The following MSRB3 variants were observed in gnomAD, a reference collection of about 807,000 sequenced individuals.
MSRB3 encodes methionine sulfoxide reductase B3, also known as methionine-R-sulfoxide reductase B3.
Under a neutral mutation model 21.0 loss-of-function variants are expected in MSRB3, and 13 were observed. The ratio of observed to expected loss-of-function variants is 0.62; its 90% CI spans 0.40 to 0.98. MSRB3 has a LOEUF of 0.98. MSRB3 is among the 50% of genes least tolerant of loss of function. MSRB3 has a pLI of 0.00. For missense variants in MSRB3, 199 were observed against 230.3 expected, an observed-to-expected ratio of 0.86 and a Z score of 0.88; for synonymous variants, 87 against 88.6, an observed-to-expected ratio of 0.98 and a Z score of 0.10.
At chr12:65,458,215 C>T (rs570777336) in intron 6 of MSRB3, among the ~76,000 whole-genome samples, 1 of 145,470 alleles carries the variant, frequency 6.9e-6, no homozygotes, top group Admixed American at 6.6e-5. Context: ...TTTCATTGTT[C>T]TTTTGGTTCC....
chr12:65,391,101 A>G (rs1270925206), intron 5 of MSRB3, among the ~76,000 whole-genome samples: 2 of 152,296 alleles, frequency 1.3e-5, no homozygotes, highest in East Asian at 3.9e-4. Flanking sequence ...AGGGTTTTCC[A>G]TCAAGTATTT....
At chr12:65,287,012 C>A (rs1195478945) in intron 1 of MSRB3, among the ~76,000 whole-genome samples, 2 of 88,758 alleles carry the variant, frequency 2.3e-5, no homozygotes, top group Non-Finnish European at 4.0e-5. Context: ...CAGAGCGAGA[C>A]CCTTTCTCAA....
At chr12:65,367,647 G>A (rs751467665) in intron 4 of MSRB3, among the ~76,000 whole-genome samples, 8 of 152,218 alleles carry the variant, frequency 5.3e-5, no homozygotes, top group Non-Finnish European at 1.2e-4. Flanking sequence ...TGTGCTAAGA[G>A]ATGGTGGAAA....
intron 2 of MSRB3, among the ~76,000 whole-genome samples, chr12:65,322,148 G>A (rs780523292): frequency 2.0e-5 from 3 of 152,158 alleles, no homozygotes; most frequent in African/African-American, 7.2e-5. Flanking sequence ...CATAGACTTT[G>A]TGAGAATCCT....
At chr12:65,451,122 C>T (rs570838456) in intron 5 of MSRB3, among the ~76,000 whole-genome samples, 11 of 152,268 alleles carry the variant, frequency 7.2e-5, no homozygotes, top group African/African-American at 2.6e-4. Flanking sequence ...GTTACAGTCT[C>T]CAGCGTGGTT....
chr12:65,402,894 T>G (rs1410132730), intron 5 of MSRB3, among the ~76,000 whole-genome samples: 1 of 152,128 alleles, frequency 6.6e-6, no homozygotes, highest in African/African-American at 2.4e-5. Flanking sequence ...TTGCTGGAGG[T>G]CCACTCCAGA....
At chr12:65,388,990 A>G (rs1565868485) in intron 5 of MSRB3, among the ~76,000 whole-genome samples, 1 of 152,188 alleles carries the variant, frequency 6.6e-6, no homozygotes, top group Non-Finnish European at 1.5e-5. Context: ...TTAATCCATG[A>G]GCTCTTAAGG....
intron 5 of MSRB3, chr12:65,418,621 T>A (rs1881105689): frequency 3.4e-6 from 2 of 586,976 alleles, no homozygotes; most frequent in African/African-American, 3.7e-5. Flanking sequence ...CAGTTTCAGA[T>A]CTTATTTTTA....
chr12:65,338,788 T>A (rs970285568), intron 4 of MSRB3, among the ~76,000 whole-genome samples: 2 of 152,128 alleles, frequency 1.3e-5, no homozygotes, highest in Non-Finnish European at 2.9e-5. Flanking sequence ...GAGGTAAAGA[T>A]TCCAGGCTGG....
At chr12:65,297,358 C>T (rs1049329055) in intron 1 of MSRB3, among the ~76,000 whole-genome samples, 1 of 152,142 alleles carries the variant, frequency 6.6e-6, no homozygotes, top group African/African-American at 2.4e-5. Context: ...ACATCCTGCA[C>T]ATGTGCCCCG....
At chr12:65,309,598 TG>T (rs1202035753) in intron 2 of MSRB3, among the ~76,000 whole-genome samples, 3 of 152,190 alleles carry the variant, frequency 2.0e-5, no homozygotes, top group African/African-American at 7.2e-5. Context: ...TGGTGTGTTA[TG>T]GTAATTCAGA....
chr12:65,418,754 C>G, intron 5 of MSRB3: 1 of 937,754 alleles, frequency 1.1e-6, no homozygotes, highest in Non-Finnish European at 1.7e-6. Context: ...TCATTGATCT[C>G]AGACACCACT....
At chr12:65,373,275 A>G (rs1236397765) in intron 5 of MSRB3, among the ~76,000 whole-genome samples, 1 of 152,228 alleles carries the variant, frequency 6.6e-6, no homozygotes, top group African/African-American at 2.4e-5. Flanking sequence ...AGTCACTAAT[A>G]TAACATCAGG....
chr12:65,288,892 TA>T (rs1247994712), intron 1 of MSRB3, among the ~76,000 whole-genome samples: 5 of 152,356 alleles, frequency 3.3e-5, no homozygotes, highest in African/African-American at 1.2e-4. Flanking sequence ...CTCTTGCCTG[TA>T]AAATTCACTT....
chr12:65,349,080 C>T (rs1382923734), intron 4 of MSRB3, among the ~76,000 whole-genome samples: 1 of 152,058 alleles, frequency 6.6e-6, no homozygotes, highest in Middle Eastern at 3.4e-3. Context: ...CACCACAGTC[C>T]CCAGAGTGTG....
chr12:65,366,601 G>A (rs1878028479), intron 4 of MSRB3, among the ~76,000 whole-genome samples: 1 of 151,946 alleles, frequency 6.6e-6, no homozygotes, highest in Non-Finnish European at 1.5e-5. Context: ...GGAGGGGAGG[G>A]ATGTAGAATC....
chr12:65,443,388 T>A (rs540113390), intron 5 of MSRB3, among the ~76,000 whole-genome samples: 46 of 152,248 alleles, frequency 3.0e-4, no homozygotes, highest in South Asian at 8.3e-4. Context: ...AAATGCACTA[T>A]TTTTGATAGG....
intron 5 of MSRB3, among the ~76,000 whole-genome samples, chr12:65,374,147 T>A (rs986231248): frequency 6.6e-6 from 1 of 152,210 alleles, no homozygotes; most frequent in Admixed American, 6.5e-5. Flanking sequence ...TGACAATAGT[T>A]TTTAGCCATA....
chr12:65,453,928 C>T (rs1882974407), intron 6 of MSRB3, 103 bp downstream of exon 6: 1 of 929,684 alleles, frequency 1.1e-6, no homozygotes, highest in African/African-American at 1.6e-5. Flanking sequence ...GAAGGACAGA[C>T]AAGCATGACG....
Sources: allele counts gnomAD v4.1 joint callset (sites outside exome capture counted in the v4.1 genomes callset), GRCh38; gene constraint gnomAD v4.1.1; transcripts MANE v1.5; gene names NCBI Gene and HGNC (gene_info 2026-07-23, HGNC 2026-07-21).